Variants in ERAP1 observed in about 807,000 individuals in gnomAD.
The protein encoded by ERAP1 is adipocyte-derived leucine aminopeptidase.
Under a neutral mutation model 103.7 loss-of-function variants are expected in ERAP1, and 86 were observed. The observed-to-expected ratio is 0.83, with a 90% CI of 0.70 to 0.99. The LOEUF is 0.99. ERAP1 is among the 50% of genes least tolerant of loss of function. The pLI is 0.00. For synonymous variants in ERAP1, 398 were observed against 402.4 expected (o/e 0.99, Z 0.13); for missense variants, 1,009 against 1,128.4 (o/e 0.89, Z 1.52).
the ERAP1 span, among the ~76,000 whole-genome samples, chr5:96,907,296 G>T: frequency 6.6e-6 from 1 of 152,082 alleles, no homozygotes. Context: ...TATATAAAAA[G>T]AAAAGGAGTC....
At chr5:96,800,806 A>C in intron 3 of ERAP1, 56 bp downstream of exon 3, 1 of 1,596,418 alleles carries the variant, frequency 6.3e-7, no homozygotes, top group Non-Finnish European at 8.6e-7. Context: ...GGCTAGTGCA[A>C]GTCACAGAGA....
At chr5:96,819,385 G>T in the ERAP1 span, among the ~76,000 whole-genome samples, 3 of 152,302 alleles carry the variant, frequency 2.0e-5, no homozygotes, top group African/African-American at 7.2e-5. Context: ...ATCATCAGCG[G>T]TGTAGACTGG....
chr5:96,792,503 CTG>C (rs1363914312), intron 7 of ERAP1, among the ~76,000 whole-genome samples: 3 of 152,152 alleles, frequency 2.0e-5, no homozygotes, highest in Non-Finnish European at 4.4e-5. Flanking sequence ...AAGAAATTAA[CTG>C]TATAGTAATT....
At chr5:96,763,544 A>G (rs1768767828) in intron 19 of ERAP1, among the ~76,000 whole-genome samples, 5 of 152,192 alleles carry the variant, frequency 3.3e-5, no homozygotes, top group African/African-American at 4.8e-5. Flanking sequence ...TTTTGCCTTT[A>G]AGAAGTAGGT....
At chr5:96,916,990 G>T in the ERAP1 span, among the ~76,000 whole-genome samples, 10 of 152,246 alleles carry the variant, frequency 6.6e-5, no homozygotes, top group South Asian at 2.1e-3. Flanking sequence ...TGAAAATAAA[G>T]TGAACAATTA....
At chr5:96,782,075 A>G (rs1334558604) in intron 15 of ERAP1, among the ~76,000 whole-genome samples, 1 of 147,356 alleles carries the variant, frequency 6.8e-6, no homozygotes, top group East Asian at 2.0e-4. Context: ...CCGTGGCTCG[A>G]TATCGGTTCC....
chr5:96,908,593 G>A, the ERAP1 span, among the ~76,000 whole-genome samples: 1 of 152,058 alleles, frequency 6.6e-6, no homozygotes, highest in Non-Finnish European at 1.5e-5. Context: ...TGTGTAAAAA[G>A]TTTGATATTA....
chr5:96,819,172 C>T, the ERAP1 span, among the ~76,000 whole-genome samples: 3 of 152,200 alleles, frequency 2.0e-5, no homozygotes, highest in African/African-American at 7.2e-5. Context: ...GATCTGCCCG[C>T]CTCGGCCTCC....
At chr5:96,812,868 CTG>C (rs1323322531), upstream of ERAP1, among the ~76,000 whole-genome samples, 1 of 152,172 alleles carries the variant, frequency 6.6e-6, no homozygotes, top group Non-Finnish European at 1.5e-5. Context: ...TAAGTGAAGT[CTG>C]TGGTTCTAGG....
intron 13 of ERAP1, 26 bp downstream of exon 13, chr5:96,785,762 C>A (rs755905358): frequency 6.2e-7 from 1 of 1,612,850 alleles, no homozygotes; most frequent in Non-Finnish European, 8.5e-7. Flanking sequence ...CAGAAATAAA[C>A]CGCGACTTTG....
the ERAP1 span, among the ~76,000 whole-genome samples, chr5:96,898,195 C>CAAT: frequency 1.7e-4 from 25 of 151,204 alleles, no homozygotes; most frequent in African/African-American, 4.6e-4. Flanking sequence ...GACTCTGTCT[C>CAAT]AATAATAATA....
At chr5:96,878,725 C>T in the ERAP1 span, among the ~76,000 whole-genome samples, 1 of 151,972 alleles carries the variant, frequency 6.6e-6, no homozygotes, top group African/African-American at 2.4e-5. Context: ...GTCAGGAGTT[C>T]GAGACTAGCC....
chr5:96,839,192 C>G, the ERAP1 span, among the ~76,000 whole-genome samples: 2 of 152,196 alleles, frequency 1.3e-5, no homozygotes, highest in African/African-American at 4.8e-5. Flanking sequence ...CCTTGTGGTA[C>G]GTAAAAGGTG....
the ERAP1 span, among the ~76,000 whole-genome samples, chr5:96,815,413 T>G: frequency 4.3e-5 from 6 of 138,222 alleles, no homozygotes; most frequent in Admixed American, 2.8e-4. Flanking sequence ...TTTTGTTTTT[T>G]ATTTTTTTTT....
chr5:96,769,700 T>G (rs1012332900), downstream of ERAP1: 2 of 151,958 alleles, frequency 1.3e-5, no homozygotes, highest in African/African-American at 4.8e-5. Flanking sequence ...TCTGCATATC[T>G]GCTATTTTGT....
At chr5:96,853,753 A>G in the ERAP1 span, among the ~76,000 whole-genome samples, 1 of 151,846 alleles carries the variant, frequency 6.6e-6, no homozygotes, top group African/African-American at 2.4e-5. Context: ...CACCCACTTC[A>G]TGTAGTATTT....
chr5:96,877,815 A>G, the ERAP1 span, among the ~76,000 whole-genome samples: 1 of 152,054 alleles, frequency 6.6e-6, no homozygotes, highest in Non-Finnish European at 1.5e-5. Context: ...TGAGATTTGT[A>G]GCAGTAATTT....
At chr5:96,854,457 A>C in the ERAP1 span, among the ~76,000 whole-genome samples, 44,152 of 151,944 alleles carry the variant, frequency 0.29, 6,787 homozygotes, top group South Asian at 0.37. Context: ...CAAACAACAA[A>C]AAAAAAACCT....
chr5:96,782,644 A>AGAT (rs1775381693), intron 15 of ERAP1, among the ~76,000 whole-genome samples: 1 of 152,202 alleles, frequency 6.6e-6, no homozygotes, highest in South Asian at 2.1e-4. Flanking sequence ...AGGGATTTCC[A>AGAT]GATACGGTAA....
Sources: gnomAD v4.1 joint callset for allele counts (sites outside exome capture counted in the v4.1 genomes callset) on GRCh38, gnomAD v4.1.1 for gene constraint, MANE v1.5 for transcripts, NCBI Gene and HGNC (gene_info 2026-07-23, HGNC 2026-07-21) for gene names.